Variants in NAV1 observed in about 807,000 individuals in gnomAD.
The protein encoded by NAV1 is neuron navigator 1, also known as pore membrane and/or filament interacting like protein 3.
NAV1 carries 18 observed loss-of-function variants against 175.2 expected under a neutral mutation model. The observed-to-expected ratio is 0.10, with a 90% CI of 0.07 to 0.15. The LOEUF is 0.15. Among genes scored for constraint, NAV1 ranks in the 10% least tolerant of loss-of-function variants. The pLI is 1.00. For missense variants in NAV1, 1,731 were observed against 2,436.6 expected, an observed-to-expected ratio of 0.71 and a Z score of 6.10; for synonymous variants, 897 against 978.7, an observed-to-expected ratio of 0.92 and a Z score of 1.56.
chr1:201,756,826 T>TTC (rs776543971), intron 3 of NAV1, among the ~76,000 whole-genome samples: 34 of 79,062 alleles, frequency 4.3e-4, no homozygotes, highest in Middle Eastern at 5.9e-3. Flanking sequence ...CTTTCTTTCT[T>TTC]TCTTTCTTTC....
intron 2 of NAV1, among the ~76,000 whole-genome samples, chr1:201,629,787 A>C (rs11584075): frequency 0.062 from 9,461 of 152,222 alleles, 425 homozygotes; most frequent in East Asian, 0.19. Flanking sequence ...CCTGACACAA[A>C]GGTAACAAGC....
intron 3 of NAV1, among the ~76,000 whole-genome samples, chr1:201,725,585 G>GCTA (rs1222559782): frequency 6.6e-6 from 1 of 151,920 alleles, no homozygotes; most frequent in Non-Finnish European, 1.5e-5. Flanking sequence ...GGGCGGGGGG[G>GCTA]CTACAGTGAG....
chr1:201,642,762 T>G (rs1668837839), intron 2 of NAV1, among the ~76,000 whole-genome samples: 1 of 149,100 alleles, frequency 6.7e-6, no homozygotes, highest in Non-Finnish European at 1.5e-5. Context: ...TTCTTTTCTT[T>G]TCTTTTCTCT....
Position 201,740,662 on chromosome 1 carries a change from G to A in NAV1, c.1226+21907G>A, listed in dbSNP as rs1673363728. The stretch of plus-strand genomic sequence containing the variant: ...CGTACTGCTGGCTGGATACTTCCGA[G>A]AGAGAGTGAAGCCTGGTGCTCTACC... On this transcript the variant is annotated intron_variant, in intron 3 of 29. Coordinates refer to ENST00000367296, the Ensembl canonical transcript of NAV1. The surrounding 1 kb of genome is among the most constrained non-coding windows in gnomAD (Gnocchi z 4.7). 6.6e-6 allele frequency among the ~76,000 whole-genome samples: 1 copy of A among 152,174 alleles called. No individual in the cohort carries two copies. Among genetic ancestry groups the A allele is most frequent in the Non-Finnish European group, 1.5e-5 (1 of 68,030 alleles).
intron 1 of NAV1, among the ~76,000 whole-genome samples, chr1:201,586,680 G>A (rs1667037897): frequency 6.6e-6 from 1 of 152,048 alleles, no homozygotes; most frequent in Non-Finnish European, 1.5e-5. Flanking sequence ...GAGAGAAGGA[G>A]AGAGGGAGAG....
intron 9 of NAV1, 45 bp downstream of exon 13, chr1:201,786,622 G>T: frequency 2.5e-6 from 4 of 1,581,138 alleles, no homozygotes; most frequent in South Asian, 1.2e-5. Flanking sequence ...TGAAGCAGGG[G>T]TCACCCTGCA....
At chr1:201,674,091 T>A (rs1365912104) in intron 1 of NAV1, 1 of 152,156 alleles carries the variant, frequency 6.6e-6, no homozygotes, top group East Asian at 1.9e-4. Flanking sequence ...GGTGCCCAGA[T>A]GCCCCACAGC....
chr1:201,675,458 A>G (rs1571877671), intron 1 of NAV1, among the ~76,000 whole-genome samples: 1 of 152,296 alleles, frequency 6.6e-6, no homozygotes, highest in Middle Eastern at 3.4e-3. Context: ...ACCATGGTAG[A>G]GAGATAAAAG....
intron 1 of NAV1, among the ~76,000 whole-genome samples, chr1:201,652,616 A>G (rs1292930834): frequency 1.3e-5 from 2 of 148,194 alleles, no homozygotes; most frequent in Non-Finnish European, 3.0e-5. Context: ...TTCTCTGTGT[A>G]GAAGTCCTAA....
intron 2 of NAV1, among the ~76,000 whole-genome samples, chr1:201,615,390 G>A (rs998024864): frequency 6.6e-6 from 1 of 151,706 alleles, no homozygotes; most frequent in African/African-American, 2.4e-5. Flanking sequence ...TCAGCCTCCC[G>A]AATAGCTGGG....
intron 2 of NAV1, among the ~76,000 whole-genome samples, chr1:201,714,269 A>C (rs1672040319): frequency 6.6e-6 from 1 of 152,196 alleles, no homozygotes; most frequent in Non-Finnish European, 1.5e-5. Context: ...TCTGATGTGG[A>C]ACTGCACTTA....
At chr1:201,618,112 C>G (rs1276380702), upstream of NAV1, among the ~76,000 whole-genome samples, 1 of 152,204 alleles carries the variant, frequency 6.6e-6, no homozygotes, top group Non-Finnish European at 1.5e-5. Context: ...CCAAATCCTA[C>G]TTCCCATGTG....
intron 3 of NAV1, among the ~76,000 whole-genome samples, chr1:201,779,598 CAAAAAAAAAAA>C (rs10624879): frequency 1.4e-5 from 1 of 69,076 alleles, no homozygotes; most frequent in African/African-American, 7.8e-5. Flanking sequence ...GACTCCGTCT[CAAAAAAAAAAA>C]AAAAAAAAAA....
chr1:201,741,505 G>A (rs1221123633), intron 3 of NAV1, among the ~76,000 whole-genome samples: 1 of 98,746 alleles, frequency 1.0e-5, no homozygotes, highest in African/African-American at 2.7e-5. Flanking sequence ...TGGAGAAGGT[G>A]AAGGGAAGGA....
At position 201,750,008 on chromosome 1, in the gene NAV1, A is replaced by G. The variant is rs556722471; in HGVS notation, c.1227-30413A>G. ...AAACTCTAGAGGATTTTGCTTTCAGATTGCTTTATGTTGTTAAAATTTTGC... is the reference window on the plus strand; with the variant it reads ...AAACTCTAGAGGATTTTGCTTTCAGGTTGCTTTATGTTGTTAAAATTTTGC... On this transcript the variant is annotated intron_variant, in intron 3 of 29. Transcript: ENST00000367296. This position sits in a 1 kb window ranked among gnomAD's most constrained non-coding sequence, Gnocchi z 4.1. Among the ~76,000 whole-genome samples, 260 of 152,328 alleles carry G rather than the reference A, an allele frequency of 1.7e-3. No homozygotes were observed. The highest frequency in any genetic ancestry group is 6.0e-3 in the African/African-American group (251 of 41,570).
At chr1:201,744,804 A>G (rs774738191) in intron 3 of NAV1, among the ~76,000 whole-genome samples, 1 of 152,142 alleles carries the variant, frequency 6.6e-6, no homozygotes, top group Admixed American at 6.5e-5. Flanking sequence ...TCATCTTCCA[A>G]CTTCTCTGCC....
intron 1 of NAV1, among the ~76,000 whole-genome samples, chr1:201,564,826 A>G (rs1055560898): frequency 1.3e-5 from 2 of 152,192 alleles, no homozygotes; most frequent in Non-Finnish European, 2.9e-5. Context: ...TGCCTTTTCC[A>G]GCTCCTGGAG....
chr1:201,816,101 T>A (rs1422381496), intron 28 of NAV1, among the ~76,000 whole-genome samples: 5 of 151,610 alleles, frequency 3.3e-5, no homozygotes, highest in African/African-American at 1.2e-4. Flanking sequence ...TCAGGTGCAG[T>A]GGCTCACACC....
rs147831916 is a variant in NAV1 at position 201,706,704 on chromosome 1, T to C, written c.758-6113T>C. ...CAGCCACTCACAGCAGAAGCCAGTCTAGAAGTCAGGTGCAAATGCAGTCCT... is the reference window on the plus strand; with the variant it reads ...CAGCCACTCACAGCAGAAGCCAGTCCAGAAGTCAGGTGCAAATGCAGTCCT... On this transcript the variant is annotated intron_variant, in intron 1 of 29. Coordinates refer to ENST00000367296, the Ensembl canonical transcript of NAV1. Among the ~76,000 whole-genome samples the C allele has an allele frequency of 2.5e-3, 388 of 152,358 alleles. 2 individuals are homozygous for C. Among genetic ancestry groups the C allele is most frequent in the Non-Finnish European group, 3.2e-3 (216 of 68,040 alleles).
Sources: gnomAD v4.1 joint callset for allele counts (sites outside exome capture counted in the v4.1 genomes callset) on GRCh38, gnomAD v4.1.1 for gene constraint, Gnocchi (gnomAD v3.1) non-coding constraint, MANE v1.5 for transcripts, NCBI Gene and HGNC (gene_info 2026-07-23, HGNC 2026-07-21) for gene names.